ERGIC1: variants seen among roughly 807,000 people sequenced by gnomAD.
The protein encoded by ERGIC1 is endoplasmic reticulum-Golgi intermediate compartment protein 1.
In ERGIC1, 19 loss-of-function variants were observed where a neutral mutation model predicts 38.3. The ratio of observed to expected loss-of-function variants is 0.50; its 90% CI spans 0.35 to 0.73. ERGIC1 has a LOEUF of 0.73. Ranked by LOEUF, ERGIC1 falls within the 30% of genes least tolerant of loss-of-function variation. The pLI, the probability that ERGIC1 is intolerant of heterozygous loss-of-function variation, is 0.01. For missense variants in ERGIC1, 294 were observed against 389.2 expected (o/e 0.76, Z 2.06); for synonymous variants, 124 against 157.6 (o/e 0.79, Z 1.60).
rs769721950 is a variant in ERGIC1 at position 172,888,714 on chromosome 5, G to A, written c.36G>A (p.Arg12=). The change falls in exon 2 of 10, where the codon AGG becomes AGA. Residue 12 remains arginine (R), a synonymous_variant. Coordinates refer to ENST00000393784, the MANE Select transcript of ERGIC1 (RefSeq NM_001031711.3). ...CTCTCCACAGGTTTGACATCTACAG[G>A]AAGGTGCCCAAGGACCTTACGCAGC... is the stretch of plus-strand genomic sequence containing the variant. ...PFDFRRFDIY[R]KVPKDLTQPT... is the part of the protein sequence containing the mutation. The A allele has an allele frequency of 8.1e-6, 13 of 1,614,000 alleles. No individual in the cohort carries two copies. Among genetic ancestry groups the A allele is most frequent in the Middle Eastern group, 3.3e-4 (2 of 6,082 alleles).
intron 2 of ERGIC1, among the ~76,000 whole-genome samples, chr5:172,893,613 G>T (rs998395062): frequency 1.3e-5 from 2 of 151,934 alleles, no homozygotes; most frequent in South Asian, 4.2e-4. Flanking sequence ...TTTCCAAGAG[G>T]TTTAATAGCC....
chr5:172,888,847 G>A lies in ERGIC1; in HGVS notation c.82+87G>A, dbSNP rs534798843. On this transcript the variant is annotated intron_variant, in intron 2 of 9. Coordinates refer to ENST00000393784, the MANE Select transcript of ERGIC1 (RefSeq NM_001031711.3). ...CTGTGCAGATCATCTGGGCCAGGGA[G>A]GAAAGAAGGAAAGACAGGAGGGAGG... The A allele has an allele frequency of 1.2e-5, 14 of 1,216,586 alleles. No homozygotes were observed. In the South Asian group the frequency reaches 1.2e-4, roughly 10 times the overall value. The allele number at this position is 1,216,586 out of a possible 1,614,324, so 75.4% of individuals were successfully genotyped here.
At chr5:172,835,283 T>C (rs146436429) in intron 1 of ERGIC1, among the ~76,000 whole-genome samples, 158 of 152,234 alleles carry the variant, frequency 1.0e-3, no homozygotes, top group African/African-American at 3.6e-3. Flanking sequence ...TGGATTAGAA[T>C]CCTGGCTCTG....
At chr5:172,897,443 A>AAAAAGAG (rs780361647) in intron 3 of ERGIC1, among the ~76,000 whole-genome samples, 12,083 of 141,782 alleles carry the variant, frequency 0.085, 1,058 homozygotes, top group African/African-American at 0.21. Flanking sequence ...AAAAAAAAAA[A>AAAAAGAG]AGAGAGAGAG....
At chr5:172,882,164 G>A (rs1185225760) in intron 1 of ERGIC1, among the ~76,000 whole-genome samples, 1 of 152,160 alleles carries the variant, frequency 6.6e-6, no homozygotes, top group African/African-American at 2.4e-5. Flanking sequence ...TCTGTGGCGT[G>A]GGAATGGAGT....
At chr5:172,893,899 A>ATG (rs1156930879) in intron 2 of ERGIC1, among the ~76,000 whole-genome samples, 10 of 13,038 alleles carry the variant, frequency 7.7e-4, no homozygotes, top group African/African-American at 1.2e-3. Flanking sequence ...ATATATATAT[A>ATG]TATATATGTG....
At chr5:172,879,276 G>A (rs1380186351) in intron 1 of ERGIC1, among the ~76,000 whole-genome samples, 1 of 152,240 alleles carries the variant, frequency 6.6e-6, no homozygotes, top group Non-Finnish European at 1.5e-5. Flanking sequence ...TTGGGAGCAG[G>A]GGAAGACGTG....
At chr5:172,920,994 C>T (rs1212684265) in intron 5 of ERGIC1, among the ~76,000 whole-genome samples, 2 of 152,208 alleles carry the variant, frequency 1.3e-5, no homozygotes, top group Admixed American at 1.3e-4. Context: ...TGGGCTTTTC[C>T]TCACGCCCTG....
chr5:172,928,148 G>A (rs987836084), intron 7 of ERGIC1, among the ~76,000 whole-genome samples: 3 of 152,182 alleles, frequency 2.0e-5, no homozygotes, highest in African/African-American at 7.2e-5. Flanking sequence ...CAGCTACGAT[G>A]GACCCTCAGC....
At chr5:172,881,255 GA>G (rs796184994) in intron 1 of ERGIC1, among the ~76,000 whole-genome samples, 133 of 143,506 alleles carry the variant, frequency 9.3e-4, no homozygotes, top group Middle Eastern at 3.6e-3. Flanking sequence ...CTCAAAAAAA[GA>G]AAAAAAAAAA....
chr5:172,877,933 G>A (rs541900877), intron 1 of ERGIC1, among the ~76,000 whole-genome samples: 1 of 152,360 alleles, frequency 6.6e-6, no homozygotes, highest in South Asian at 2.1e-4. Context: ...GCCTGGGGCT[G>A]GGCCGGGTAT....
In ERGIC1 at chr5:172,851,503, C is replaced by T. The variant is rs1349726334; in HGVS notation, c.20+17070C>T. On this transcript the variant is annotated intron_variant, in intron 1 of 9. Coordinates refer to ENST00000393784, the MANE Select transcript of ERGIC1 (RefSeq NM_001031711.3). Reference sequence around the variant, plus strand: ...CAGCCTGGGTGACAGAGCAAGACTCCGTTTCAATAAAAAATAAAAAAATTG... The same window carrying T: ...CAGCCTGGGTGACAGAGCAAGACTCTGTTTCAATAAAAAATAAAAAAATTG... Among the ~76,000 whole-genome samples, 8 of 152,246 alleles carry T rather than the reference C, an allele frequency of 5.3e-5. No individual in the cohort carries two copies. In the East Asian group the frequency reaches 1.2e-3, roughly 22 times the overall value.
In ERGIC1 at chr5:172,864,268, C is replaced by CTTTTT. The variant is rs60390189; in HGVS notation, c.21-24413_21-24409dup. On this transcript the variant is annotated intron_variant, in intron 1 of 9. Coordinates refer to ENST00000393784, the MANE Select transcript of ERGIC1 (RefSeq NM_001031711.3). ...ACAATGACAATAAATATTTTGTAGT[C>CTTTTT]TTTTTTTTTTTTTTTTTTTTTTGGA... Among the ~76,000 whole-genome samples the CTTTTT allele has an allele frequency of 2.2e-3, 154 of 71,164 alleles. 1 individual carries two copies. Among genetic ancestry groups the CTTTTT allele is most frequent in the African/African-American group, 7.4e-3 (146 of 19,840 alleles). 46.7% of individuals were successfully genotyped at this position (71,164 alleles called of 152,430 possible).
At chr5:172,917,176 T>C (rs1458036864) in intron 5 of ERGIC1, 1 of 152,266 alleles carries the variant, frequency 6.6e-6, no homozygotes, top group African/African-American at 2.4e-5. Flanking sequence ...AACCGGGTGG[T>C]CCTGTTTCTA....
rs571827741 is a variant in ERGIC1, at chr5:172,870,146, A to G, written c.21-18553A>G. Reference sequence around the variant, plus strand: ...TTCAAGATTTAAGGCCAAGTTCACAAACTGATAATACTCAGGCCAAATCTG... The same window carrying G: ...TTCAAGATTTAAGGCCAAGTTCACAGACTGATAATACTCAGGCCAAATCTG... On this transcript the variant is annotated intron_variant, in intron 1 of 9. Transcript: ENST00000393784. Among the ~76,000 whole-genome samples, 10 of 152,338 alleles carry G rather than the reference A, an allele frequency of 6.6e-5. No homozygotes were observed. In the South Asian group the frequency reaches 2.1e-3, roughly 32 times the overall value.
intron 8 of ERGIC1, 53 bp from the exon 9 acceptor site, chr5:172,935,135 C>G: frequency 6.2e-7 from 1 of 1,612,158 alleles, no homozygotes; most frequent in Non-Finnish European, 8.5e-7. Flanking sequence ...ATCCAGTCCC[C>G]GCCCCCCCTG....
At position 172,944,165 on chromosome 5, in the gene ERGIC1, G is replaced by C. The variant is rs1467443097; in HGVS notation, c.766-6544G>C. ...AGCTGTGGCTGCTGCCCAGAGCAGT[G>C]GTGCATGCACTGGCCGAGGTGGCCC... On this transcript the variant is annotated intron_variant, in intron 9 of 9. Coordinates refer to ENST00000393784, the MANE Select transcript of ERGIC1 (RefSeq NM_001031711.3). Among the ~76,000 whole-genome samples the C allele has an allele frequency of 5.9e-5, 9 of 152,312 alleles. No individual in the cohort carries two copies. The South Asian group carries it at 1.2e-3, about 21-fold the overall frequency.
rs151050895 is a variant in ERGIC1 at position 172,945,809 on chromosome 5, C to T, written c.766-4900C>T. On this transcript the variant is annotated intron_variant, in intron 9 of 9. Coordinates refer to ENST00000393784, the MANE Select transcript of ERGIC1 (RefSeq NM_001031711.3). ...AAGCAATTCTCATGCATCAGCCTCC[C>T]GAGTAGCTGGGATTACAGGCACCTG... is the stretch of plus-strand genomic sequence containing the variant. 2.4e-3 allele frequency among the ~76,000 whole-genome samples: 372 copies of T among 152,234 alleles called. 4 individuals carry two copies. Among genetic ancestry groups the T allele is most frequent in the African/African-American group, 8.7e-3 (360 of 41,540 alleles).
At chr5:172,840,180 C>A (rs760098655) in intron 1 of ERGIC1, among the ~76,000 whole-genome samples, 6 of 152,156 alleles carry the variant, frequency 3.9e-5, no homozygotes, top group Non-Finnish European at 5.9e-5. Context: ...GGTTTTCCAG[C>A]TTAGAGCATC....
Sources: allele counts gnomAD v4.1 joint callset (sites outside exome capture counted in the v4.1 genomes callset), GRCh38; gene constraint gnomAD v4.1.1; transcripts MANE v1.5; gene names NCBI Gene and HGNC (gene_info 2026-07-23, HGNC 2026-07-21).